The following ELK3 variants were observed in gnomAD, a reference collection of about 807,000 sequenced individuals.
The protein encoded by ELK3 is ETS transcription factor ELK3.
In ELK3, 10 loss-of-function variants were observed where a neutral mutation model predicts 28.9. That is an observed-to-expected ratio of 0.35 (90% CI 0.21 to 0.59). The LOEUF is 0.59. ELK3 is among the 20% of genes least tolerant of loss of function. The pLI is 0.82. For missense variants in ELK3, 463 were observed against 517.3 expected, an observed-to-expected ratio of 0.90 and a Z score of 1.02; for synonymous variants, 272 against 243.5, an observed-to-expected ratio of 1.12 and a Z score of -1.09.
At position 96,267,381 on chromosome 12, in the gene ELK3, G is replaced by A; in HGVS notation, c.*201G>A. The A allele has an allele frequency of 4.5e-6, 2 of 445,446 alleles. No homozygotes were observed. The highest frequency in any genetic ancestry group is 8.0e-6 in the Non-Finnish European group (2 of 251,388). The allele number at this position is 445,446 out of a possible 1,614,324, so 27.6% of individuals were successfully genotyped here. The stretch of plus-strand genomic sequence containing the variant: ...TTCAAGTATATATGAAAATCTGTTT[G>A]GCATTAAGTGAATTTTAATGTTTTT... On this transcript the variant is annotated 3_prime_UTR_variant, in exon 5 of 5. Transcript: ENST00000228741.
intron 2 of ELK3, among the ~76,000 whole-genome samples, chr12:96,229,864 G>T (rs1951728703): frequency 6.6e-6 from 1 of 152,066 alleles, no homozygotes; most frequent in Non-Finnish European, 1.5e-5. Context: ...CCGGTCATTG[G>T]ATTAGGGCCC....
At chr12:96,219,487 T>C (rs1019615448) in intron 1 of ELK3, among the ~76,000 whole-genome samples, 2 of 152,150 alleles carry the variant, frequency 1.3e-5, no homozygotes, top group Admixed American at 6.5e-5. Flanking sequence ...TACAGTGTGA[T>C]TGTATGTGAA....
intron 3 of ELK3, among the ~76,000 whole-genome samples, chr12:96,257,860 A>G (rs1261140422): frequency 1.3e-5 from 2 of 152,222 alleles, no homozygotes; most frequent in Non-Finnish European, 2.9e-5. Flanking sequence ...TCCCTCACAT[A>G]GATGAAGTAC....
chr12:96,236,470 AACC>A (rs2137025539), intron 2 of ELK3, among the ~76,000 whole-genome samples: 1 of 152,316 alleles, frequency 6.6e-6, no homozygotes, highest in South Asian at 2.1e-4. Context: ...CCTCAACCCA[AACC>A]ACAAGAAAAC....
At chr12:96,225,810 G>A (rs1227132478) in intron 2 of ELK3, among the ~76,000 whole-genome samples, 1 of 152,126 alleles carries the variant, frequency 6.6e-6, no homozygotes, top group Non-Finnish European at 1.5e-5. Context: ...CTGTCCAAAG[G>A]GTATTACAAC....
intron 3 of ELK3, among the ~76,000 whole-genome samples, chr12:96,257,676 T>C (rs1462470789): frequency 2.0e-5 from 3 of 152,204 alleles, no homozygotes; most frequent in Non-Finnish European, 4.4e-5. Flanking sequence ...TAATGTGACA[T>C]ATTGAGGTTG....
chr12:96,240,035 G>C (rs1049771210), intron 2 of ELK3, among the ~76,000 whole-genome samples: 1 of 152,246 alleles, frequency 6.6e-6, no homozygotes, highest in African/African-American at 2.4e-5. Flanking sequence ...TAATTGGATT[G>C]TGTAAGGTTT....
chr12:96,196,179 C>T (rs755929223), intron 1 of ELK3, among the ~76,000 whole-genome samples: 9 of 152,298 alleles, frequency 5.9e-5, no homozygotes, highest in South Asian at 4.1e-4. Flanking sequence ...TTTGTGCAGC[C>T]ACTGTCAGCC....
intron 2 of ELK3, among the ~76,000 whole-genome samples, chr12:96,245,111 G>C (rs1051603638): frequency 4.2e-4 from 64 of 152,230 alleles, no homozygotes; most frequent in African/African-American, 1.5e-3. Flanking sequence ...TGCTCAGTGA[G>C]GTTTCTCCAT....
rs138632142 is a variant in ELK3, at chr12:96,268,202, T to A, written c.*1022T>A. 1 of 152,332 alleles carries A rather than the reference T, an allele frequency of 6.6e-6. No homozygotes were observed. Among genetic ancestry groups the A allele is most frequent in the East Asian group, 1.9e-4 (1 of 5,196 alleles). 9.4% of individuals were successfully genotyped at this position (152,332 alleles called of 1,614,324 possible). On this transcript the variant is annotated 3_prime_UTR_variant, in exon 5 of 5. Transcript: ENST00000228741. ...ACAACAAAGAAACCATTTTTAACAC[T>A]AGGTATCTTCATCAGTATAGGTAGG...
rs1339909234 is a variant in ELK3 at position 96,260,138 on chromosome 12, G to T, written c.1125+285G>T. 2.0e-5 allele frequency among the ~76,000 whole-genome samples: 3 copies of T among 152,028 alleles called. 1 individual carries two copies. In the East Asian group the frequency reaches 5.8e-4, roughly 29 times the overall value. On this transcript the variant is annotated intron_variant, in intron 4 of 4. Transcript: ENST00000228741. ...AAACAGGAAATTTATTAAGGAAAAG[G>T]CAAAACTTTAAGAATTATTCTTTAG...
chr12:96,223,824 C>T lies in ELK3; in HGVS notation c.207+51C>T, dbSNP rs769785985. On this transcript the variant is annotated intron_variant, in intron 2 of 4. Transcript: ENST00000228741. ...CGTCTTGGGGAGGGTGGAATCCCCT[C>T]TGCGTAGTTCACTGATGAAAGAAAA... 5.8e-6 allele frequency: 9 copies of T among 1,546,810 alleles called. No homozygotes were observed. The African/African-American group carries it at 1.1e-4, about 19-fold the overall frequency.
intron 1 of ELK3, among the ~76,000 whole-genome samples, chr12:96,197,861 T>G (rs1352168508): frequency 1.3e-5 from 2 of 152,250 alleles, no homozygotes; most frequent in Non-Finnish European, 2.9e-5. Context: ...ATATTAAAAT[T>G]TATATTTGTA....
chr12:96,208,404 T>C (rs1951553042), intron 1 of ELK3, among the ~76,000 whole-genome samples: 1 of 152,200 alleles, frequency 6.6e-6, no homozygotes, highest in Non-Finnish European at 1.5e-5. Flanking sequence ...TAAGTTTACT[T>C]TGTTATTTTA....
At chr12:96,251,295 A>C (rs1339050682) in intron 3 of ELK3, among the ~76,000 whole-genome samples, 1 of 152,068 alleles carries the variant, frequency 6.6e-6, no homozygotes. Context: ...GTGTGTCCCA[A>C]CTGCTCTCCT....
At chr12:96,224,217 G>A (rs1379079083) in intron 2 of ELK3, among the ~76,000 whole-genome samples, 4 of 152,258 alleles carry the variant, frequency 2.6e-5, no homozygotes, top group South Asian at 2.1e-4. Flanking sequence ...CAGTATCCTC[G>A]TTTATAAAAC....
intron 1 of ELK3, among the ~76,000 whole-genome samples, chr12:96,202,778 C>T (rs558791587): frequency 6.4e-4 from 97 of 152,172 alleles, no homozygotes; most frequent in Non-Finnish European, 1.3e-3. Flanking sequence ...CCGCCTGCCT[C>T]GGCCTCCCAA....
rs762669176 is a variant in ELK3 at position 96,223,737 on chromosome 12, T to C, written c.171T>C (p.Asp57=). ...LRKNKTNMNY[D]KLSRALRYYY... is the part of the protein sequence containing the mutation. ...AAAACAAAACAAATATGAACTATGA[T>C]AAGCTGAGCAGAGCCCTGCGATACT... Residue 57 remains aspartate (D), a synonymous_variant, in exon 2 of 5, where the codon GAT becomes GAC. Transcript: ENST00000228741. 1.9e-6 allele frequency: 3 copies of C among 1,614,072 alleles called. No homozygotes were observed. Among genetic ancestry groups the C allele is most frequent in the East Asian group, 4.5e-5 (2 of 44,878 alleles).
intron 4 of ELK3, among the ~76,000 whole-genome samples, chr12:96,262,670 C>T (rs1313340768): frequency 6.6e-6 from 1 of 152,032 alleles, no homozygotes; most frequent in Non-Finnish European, 1.5e-5. Context: ...CTGAGTATGG[C>T]AAAAGTTGAA....
Sources: gnomAD v4.1 joint callset for allele counts (sites outside exome capture counted in the v4.1 genomes callset) on GRCh38, gnomAD v4.1.1 for gene constraint, MANE v1.5 for transcripts, NCBI Gene and HGNC (gene_info 2026-07-23, HGNC 2026-07-21) for gene names.